The following SDAD1 variants were observed in gnomAD, a reference collection of about 807,000 sequenced individuals.
The protein encoded by SDAD1 is protein SDA1 homolog.
A neutral mutation model predicts 100.3 loss-of-function variants in SDAD1; 79 were observed. The observed-to-expected ratio is 0.79, with a 90% CI of 0.66 to 0.95. The LOEUF is 0.95. Among genes scored for constraint, SDAD1 ranks in the 40% least tolerant of loss-of-function variants. The pLI is 0.00. For synonymous variants in SDAD1, 267 were observed against 271.4 expected (o/e 0.98, Z 0.16); for missense variants, 790 against 810.9 (o/e 0.97, Z 0.31).
rs980751522 is a variant in SDAD1, at chr4:75,949,916, A to T, written c.*834T>A. On this transcript the variant is annotated 3_prime_UTR_variant, in exon 22 of 22. Coordinates refer to ENST00000356260, the MANE Select transcript of SDAD1 (RefSeq NM_018115.4). Reference sequence around the variant, plus strand: ...CACCACTCCACATACAAAGGTACGTATTTGGCATTAGAAACCTTTTATTGA... The same window carrying T: ...CACCACTCCACATACAAAGGTACGTTTTTGGCATTAGAAACCTTTTATTGA... The T allele has an allele frequency of 6.6e-6, 1 of 152,496 alleles. No individual in the cohort carries two copies. 9.4% of individuals were successfully genotyped at this position (152,496 alleles called of 1,614,324 possible). A position where few individuals can be genotyped will look rare whatever the true frequency, so the allele number is the denominator to read the frequency against.
chr4:75,971,288 G>A (rs1729850347), intron 9 of SDAD1, 69 bp downstream of exon 9: 1 of 1,060,102 alleles, frequency 9.4e-7, no homozygotes, highest in Admixed American at 1.9e-5. Context: ...ATTCTTAAAA[G>A]CTCTGGCTAA....
intron 9 of SDAD1, 48 bp from the exon 10 acceptor site, chr4:75,970,426 G>A: frequency 7.0e-7 from 1 of 1,421,554 alleles, no homozygotes; most frequent in Non-Finnish European, 9.9e-7. Flanking sequence ...CAGTGATGAT[G>A]CTCTTAGAAC....
chr4:75,990,420 C>A (rs1731182927), intron 1 of SDAD1, among the ~76,000 whole-genome samples: 1 of 152,122 alleles, frequency 6.6e-6, no homozygotes, highest in Admixed American at 6.5e-5. Context: ...CTGAGAAATC[C>A]GCGTGGAAGT....
chr4:75,970,247 G>A (rs1342976639), intron 10 of SDAD1, 62 bp downstream of exon 10: 3 of 1,363,070 alleles, frequency 2.2e-6, no homozygotes, highest in African/African-American at 2.9e-5. Context: ...AAACCCCAAA[G>A]GCAGGAAATA....
chr4:75,983,943 C>A (rs1041102498), intron 1 of SDAD1, among the ~76,000 whole-genome samples: 1 of 152,028 alleles, frequency 6.6e-6, no homozygotes, highest in Non-Finnish European at 1.5e-5. Flanking sequence ...AGTCTTTAAT[C>A]CATCTTGATT....
chr4:75,957,151 A>G (rs1728944065), intron 20 of SDAD1, among the ~76,000 whole-genome samples, 174 bp downstream of exon 20: 1 of 152,156 alleles, frequency 6.6e-6, no homozygotes, highest in African/African-American at 2.4e-5. Flanking sequence ...AAACCCAAAC[A>G]AAACCCCTCA....
rs760103693 is a variant in SDAD1, at chr4:75,973,329, G to C, written c.699C>G (p.Asp233Glu). The part of the protein sequence containing the change: ...GKDEDEKQDS[D>E]SESEDDGPTA... ...TGATTAAACTAACCTCAGATTCGGA[G>C]TCACTGTCCTGTTTTTCATCTTCAT... The change falls in exon 8 of 22, where the codon GAC becomes GAG. Residue 233 changes from aspartate to glutamate, a missense_variant. Physicochemically the swap from Asp to Glu is conservative, Grantham distance 45. Coordinates refer to ENST00000356260, the MANE Select transcript of SDAD1 (RefSeq NM_018115.4). The C allele has an allele frequency of 6.2e-7, 1 of 1,613,136 alleles. No individual in the cohort carries two copies. Among genetic ancestry groups the C allele is most frequent in the Non-Finnish European group, 8.5e-7 (1 of 1,179,314 alleles).
At chr4:75,964,920 C>T (rs1729454096) in intron 13 of SDAD1, among the ~76,000 whole-genome samples, 1 of 152,040 alleles carries the variant, frequency 6.6e-6, no homozygotes, top group East Asian at 1.9e-4. Context: ...ATGTATGTAG[C>T]CTCAGGACCC....
chr4:75,987,014 T>C (rs928831734), intron 1 of SDAD1, among the ~76,000 whole-genome samples: 1 of 151,868 alleles, frequency 6.6e-6, no homozygotes, highest in African/African-American at 2.4e-5. Flanking sequence ...CAAGACTGTG[T>C]CTTAAAAAAA....
chr4:75,990,359 G>A (rs1376142340), intron 1 of SDAD1, among the ~76,000 whole-genome samples: 2 of 149,632 alleles, frequency 1.3e-5, no homozygotes, highest in African/African-American at 2.5e-5. Flanking sequence ...TCTAACATAC[G>A]ATTCATCAAA....
At chr4:75,972,021 C>T (rs978015874) in intron 8 of SDAD1, among the ~76,000 whole-genome samples, 6 of 151,418 alleles carry the variant, frequency 4.0e-5, no homozygotes, top group African/African-American at 1.5e-4. Flanking sequence ...TCACTACAAC[C>T]TCCACCTTCC....
At position 75,957,906 on chromosome 4, in the gene SDAD1, C is replaced by G; in HGVS notation, c.1519G>C (p.Asp507His). The G allele has an allele frequency of 6.2e-7, 1 of 1,613,134 alleles. No homozygotes were observed. The highest frequency in any genetic ancestry group is 8.5e-7 in the Non-Finnish European group (1 of 1,179,966). ...WESTSLSEEE[D>H]ADGEWIDVQH... ...ACATCAATCCATTCACCATCAGCAT[C>G]CTCCTCCTCACTGAGACTGGTACTT... The change falls in exon 18 of 22, where the codon GAT becomes CAT. Residue 507 changes from aspartate (D) to histidine (H), a missense_variant. Asp to His is a moderately conservative substitution (Grantham distance 81, BLOSUM62 -1). Transcript: ENST00000356260.
intron 3 of SDAD1, among the ~76,000 whole-genome samples, chr4:75,980,206 C>T (rs1010147865): frequency 6.6e-6 from 1 of 152,216 alleles, no homozygotes; most frequent in Non-Finnish European, 1.5e-5. Context: ...TTGGGCTATA[C>T]TGCCAGGTCC....
chr4:75,988,022 C>T (rs898949407), intron 1 of SDAD1, among the ~76,000 whole-genome samples: 3 of 152,128 alleles, frequency 2.0e-5, no homozygotes, highest in African/African-American at 7.2e-5. Context: ...ATCCCCAGGG[C>T]TTTCTCTACC....
At chr4:75,964,005 A>G in intron 14 of SDAD1, 130 bp downstream of exon 14, 1 of 610,420 alleles carries the variant, frequency 1.6e-6, no homozygotes, top group Non-Finnish European at 2.8e-6. Context: ...CCTCCCAAAA[A>G]GACTGAAATA....
At chr4:75,959,950 T>G in intron 17 of SDAD1, 116 bp downstream of exon 17, 1 of 1,109,784 alleles carries the variant, frequency 9.0e-7, no homozygotes, top group South Asian at 1.8e-5. Context: ...GCGTGGCACA[T>G]AGTCATTGCT....
At chr4:75,963,540 T>C (rs961901343) in intron 14 of SDAD1, among the ~76,000 whole-genome samples, 1 of 152,202 alleles carries the variant, frequency 6.6e-6, no homozygotes, top group African/African-American at 2.4e-5. Context: ...GTTCTTCCAT[T>C]TGTTGGTATC....
intron 3 of SDAD1, among the ~76,000 whole-genome samples, chr4:75,980,484 A>G (rs1730438416): frequency 1.3e-5 from 2 of 152,244 alleles, no homozygotes; most frequent in Admixed American, 1.3e-4. Context: ...AGGTTTGAAA[A>G]GCAGATGTAT....
intron 11 of SDAD1, among the ~76,000 whole-genome samples, chr4:75,968,107 T>C (rs997113889): frequency 1.3e-5 from 2 of 152,200 alleles, no homozygotes; most frequent in Non-Finnish European, 2.9e-5. Flanking sequence ...TCAATTGTAG[T>C]CAGTTGTGAA....
Sources: gnomAD v4.1 joint callset for allele counts (sites outside exome capture counted in the v4.1 genomes callset) on GRCh38, gnomAD v4.1.1 for gene constraint, MANE v1.5 for transcripts, NCBI Gene and HGNC (gene_info 2026-07-23, HGNC 2026-07-21) for gene names.